GPATCH2L: variants seen among roughly 807,000 people sequenced by gnomAD.
GPATCH2L encodes the protein G-patch domain containing 2 like.
A neutral mutation model predicts 57.4 loss-of-function variants in GPATCH2L; 31 were observed. The observed-to-expected ratio is 0.54, with a 90% CI of 0.41 to 0.73. GPATCH2L has a LOEUF of 0.73. Ranked by LOEUF, GPATCH2L falls within the 30% of genes least tolerant of loss-of-function variation. The pLI is 0.00. For missense variants in GPATCH2L, 481 were observed against 599.9 expected (o/e 0.80, Z 2.07); for synonymous variants, 199 against 210.7 (o/e 0.94, Z 0.48).
chr14:76,173,765 G>T, intron 5 of GPATCH2L, 140 bp downstream of exon 5: 1 of 633,198 alleles, frequency 1.6e-6, no homozygotes, highest in East Asian at 2.7e-5. Flanking sequence ...GAGTTTACAA[G>T]AGTGAACATT....
Position 76,207,971 on chromosome 14 carries a change from G to A in GPATCH2L, c.*6120G>A, listed in dbSNP as rs757831729. 6.6e-6 allele frequency: 1 copy of A among 152,162 alleles called. No homozygotes were observed. The highest frequency in any genetic ancestry group is 1.5e-5 in the Non-Finnish European group (1 of 68,034). 9.4% of individuals were successfully genotyped at this position (152,162 alleles called of 1,614,324 possible). ...TTGTGTTTGCAAAGGTGTACTAGGA[G>A]TTCTCATTTCCTCAGATGCTCATGT... On this transcript the variant is annotated 3_prime_UTR_variant, in exon 10 of 10. Coordinates refer to ENST00000261530, the MANE Select transcript of GPATCH2L (RefSeq NM_017926.4).
rs1057203668 is a variant in GPATCH2L at position 76,206,428 on chromosome 14, C to G, written c.*4577C>G. On this transcript the variant is annotated 3_prime_UTR_variant, in exon 10 of 10. Coordinates refer to ENST00000261530, the MANE Select transcript of GPATCH2L (RefSeq NM_017926.4). Reference sequence around the variant, plus strand: ...TTTTTAACAAGTCCAGCAAAACAAACTATGGCCAAAAGAAGAAATTTTTCT... The same window carrying G: ...TTTTTAACAAGTCCAGCAAAACAAAGTATGGCCAAAAGAAGAAATTTTTCT... The G allele has an allele frequency of 1.3e-5, 2 of 152,158 alleles. No individual in the cohort carries two copies. The allele number at this position is 152,158 out of a possible 1,614,324, so 9.4% of individuals were successfully genotyped here.
At chr14:76,188,168 G>C (rs1045308802) in intron 8 of GPATCH2L, among the ~76,000 whole-genome samples, 2 of 152,130 alleles carry the variant, frequency 1.3e-5, no homozygotes, top group Admixed American at 1.3e-4. Flanking sequence ...GAACAGGGCT[G>C]CAGCAAACCT....
At chr14:76,199,486 T>A (rs117901939) in intron 9 of GPATCH2L, among the ~76,000 whole-genome samples, 6,909 of 152,296 alleles carry the variant, frequency 0.045, 209 homozygotes, top group Admixed American at 0.09. Flanking sequence ...GGTATTCTAT[T>A]GTATGAATAT....
chr14:76,226,653 A>G (rs1239632343), intron 1 of GPATCH2L, among the ~76,000 whole-genome samples: 2 of 152,208 alleles, frequency 1.3e-5, no homozygotes, highest in Admixed American at 1.3e-4. Flanking sequence ...TAATGACGCT[A>G]TAAAAAGGGC....
rs138469723 is a variant in GPATCH2L, at chr14:76,178,039, T to C, written c.1104T>C (p.His368=). Residue 368 remains histidine, a synonymous_variant, in exon 7 of 10, where the codon CAT becomes CAC. Coordinates refer to ENST00000261530, the MANE Select transcript of GPATCH2L (RefSeq NM_017926.4). Reference sequence around the variant, plus strand: ...TTCCTCACATTTCTGCTTGTGCACATGAGGTAAGGTTTCCTCTTTCTTGTT... The same window carrying C: ...TTCCTCACATTTCTGCTTGTGCACACGAGGTAAGGTTTCCTCTTTCTTGTT... ...SDFPHISACA[H]EFNPLSPLYS... The C allele has an allele frequency of 2.8e-5, 45 of 1,599,690 alleles. 1 individual carries two copies. In the African/African-American group the frequency reaches 5.3e-4, roughly 19 times the overall value.
rs1411167136 is a variant in GPATCH2L at position 76,203,685 on chromosome 14, C to G, written c.*1834C>G. 2 of 152,282 alleles carry G rather than the reference C, an allele frequency of 1.3e-5. No homozygotes were observed. The highest frequency in any genetic ancestry group is 3.8e-4 in the East Asian group (2 of 5,200). 9.4% of individuals were successfully genotyped at this position (152,282 alleles called of 1,614,324 possible). ...AGGCTGCACTTCCCTTCCCTGTGGG[C>G]TGCACCCGTAGAAGTATAGAAAATG... On this transcript the variant is annotated 3_prime_UTR_variant, in exon 10 of 10. Transcript: ENST00000261530.
chr14:76,229,012 G>A (rs985978962), intron 1 of GPATCH2L, among the ~76,000 whole-genome samples: 2 of 152,204 alleles, frequency 1.3e-5, no homozygotes, highest in Non-Finnish European at 2.9e-5. Context: ...GGGACCAGGG[G>A]TCATGTGGCC....
chr14:76,233,758 A>G (rs2040585742), intron 2 of GPATCH2L, among the ~76,000 whole-genome samples: 1 of 152,236 alleles, frequency 6.6e-6, no homozygotes, highest in South Asian at 2.1e-4. Context: ...CCCAGTTAGT[A>G]TTGAAATTTC....
At chr14:76,169,862 C>T (rs569314747) in intron 3 of GPATCH2L, among the ~76,000 whole-genome samples, 5 of 152,316 alleles carry the variant, frequency 3.3e-5, no homozygotes, top group East Asian at 3.9e-4. Context: ...TATCTGGTTT[C>T]GTGAGATGCT....
intron 8 of GPATCH2L, among the ~76,000 whole-genome samples, chr14:76,182,606 A>G (rs3059800): frequency 7.1e-6 from 1 of 140,898 alleles, no homozygotes; most frequent in African/African-American, 2.6e-5. Context: ...AAAAAAAAAA[A>G]GAAAAGAATG....
intron 6 of GPATCH2L, 65 bp from the exon 7 acceptor site, chr14:76,177,923 C>A (rs117516637): frequency 4.7e-5 from 75 of 1,600,346 alleles, no homozygotes; most frequent in Non-Finnish European, 6.2e-5. Context: ...GAAAAGAGAA[C>A]GAAATCAGGT....
chr14:76,152,266 A>C (rs917147019), intron 1 of GPATCH2L, among the ~76,000 whole-genome samples: 9 of 150,456 alleles, frequency 6.0e-5, no homozygotes, highest in Non-Finnish European at 1.2e-4. Flanking sequence ...GTCCCGAGCC[A>C]TGGTCGCCCC....
At chr14:76,166,477 T>A (rs1347008314) in intron 2 of GPATCH2L, among the ~76,000 whole-genome samples, 186 bp from the exon 3 acceptor site, 1 of 152,244 alleles carries the variant, frequency 6.6e-6, no homozygotes, top group Non-Finnish European at 1.5e-5. Flanking sequence ...ATTTTAGAAT[T>A]CTCCTCTTAT....
Position 76,193,380 on chromosome 14 carries a change from G to A in GPATCH2L, c.1194-2498G>A, listed in dbSNP as rs145102342. ...AATGATGGATGGGGGCAAATAAAAG[G>A]CAGTATTTGTGTAGTTCAGCTCAAG... is the stretch of plus-strand genomic sequence containing the variant. On this transcript the variant is annotated intron_variant, in intron 8 of 9. Transcript: ENST00000261530. Among the ~76,000 whole-genome samples, 1,094 of 152,100 alleles carry A rather than the reference G, an allele frequency of 7.2e-3. 6 individuals are homozygous for A. The highest frequency in any genetic ancestry group is 0.015 in the South Asian group (74 of 4,818).
intron 8 of GPATCH2L, among the ~76,000 whole-genome samples, chr14:76,186,790 C>G (rs1310696095): frequency 1.3e-5 from 2 of 152,102 alleles, no homozygotes; most frequent in African/African-American, 4.8e-5. Context: ...GTAAGATACC[C>G]ATCTTTCCAA....
chr14:76,193,995 TTC>T, intron 8 of GPATCH2L, among the ~76,000 whole-genome samples: 1 of 152,144 alleles, frequency 6.6e-6, no homozygotes, highest in Non-Finnish European at 1.5e-5. Context: ...TGTTCTACAT[TTC>T]TCTGTTTTGA....
Position 76,201,739 on chromosome 14 carries a change from A to C in GPATCH2L, c.1337A>C (p.Lys446Thr). 1 of 1,613,794 alleles carries C rather than the reference A, an allele frequency of 6.2e-7. No homozygotes were observed. Among genetic ancestry groups the C allele is most frequent in the Non-Finnish European group, 8.5e-7 (1 of 1,179,810 alleles). Residue 446 changes from lysine to threonine, a missense_variant, in exon 10 of 10, where the codon AAA becomes ACA. This residue lies in a region of GPATCH2L where 248 missense variants were observed against 270.5 expected (regional missense o/e 0.92). Coordinates refer to ENST00000261530, the MANE Select transcript of GPATCH2L (RefSeq NM_017926.4). Reference protein sequence around the residue: ...EPTTPASQAPKSPSSEWLVRT... With the variant: ...EPTTPASQAPTSPSSEWLVRT... ...ACCACACCAGCATCACAAGCCCCCA[A>C]ATCACCCAGCTCTGAGTGGTTGGTG...
intron 2 of GPATCH2L, among the ~76,000 whole-genome samples, chr14:76,165,490 C>CAA (rs34800017): frequency 4.6e-5 from 4 of 87,692 alleles, no homozygotes; most frequent in East Asian, 6.6e-4. Context: ...AACTCCATCT[C>CAA]AAAAAAAAAA....
Sources: gnomAD v4.1 joint callset for allele counts (sites outside exome capture counted in the v4.1 genomes callset) on GRCh38, gnomAD v4.1.1 for gene constraint, gnomAD v4.1.1 regional missense constraint, MANE v1.5 for transcripts, NCBI Gene and HGNC (gene_info 2026-07-23, HGNC 2026-07-21) for gene names.